MSI2: variants seen among roughly 807,000 people sequenced by gnomAD.
The protein encoded by MSI2 is RNA-binding protein Musashi homolog 2.
Under a neutral mutation model 45.6 loss-of-function variants are expected in MSI2, and 17 were observed. The ratio of observed to expected loss-of-function variants is 0.37; its 90% CI spans 0.26 to 0.56. MSI2 has a LOEUF of 0.56. Among genes scored for constraint, MSI2 ranks in the 20% least tolerant of loss-of-function variants. MSI2 has a pLI of 0.77. For synonymous variants in MSI2, 156 were observed against 158.2 expected (o/e 0.99, Z 0.11); for missense variants, 293 against 444.2 (o/e 0.66, Z 3.06).
At chr17:57,418,518 G>C (rs374427101) in intron 6 of MSI2, among the ~76,000 whole-genome samples, 32 of 152,240 alleles carry the variant, frequency 2.1e-4, no homozygotes, top group African/African-American at 7.5e-4. Context: ...TTGTTATAGT[G>C]AATAGGCAAG....
In MSI2 at chr17:57,369,112, G is replaced by T. The variant is rs556231248; in HGVS notation, c.313-32267G>T. On this transcript the variant is annotated intron_variant, in intron 5 of 13. Coordinates refer to ENST00000284073, the MANE Select transcript of MSI2 (RefSeq NM_138962.4). ...CCCAGGTGTGCTTTGCTCTACTGAT[G>T]GTTGGTAGCATTGTTTACCTCTGGT... 2.1e-4 allele frequency among the ~76,000 whole-genome samples: 32 copies of T among 151,866 alleles called. 1 individual carries two copies. In the South Asian group the frequency reaches 6.4e-3, roughly 30 times the overall value.
chr17:57,390,853 C>T (rs1236331374), intron 5 of MSI2, among the ~76,000 whole-genome samples: 3 of 152,118 alleles, frequency 2.0e-5, no homozygotes, highest in Non-Finnish European at 2.9e-5. Flanking sequence ...GTGGTGTATC[C>T]GAGGGTCTGT....
At chr17:57,521,755 T>TA (rs943065192) in intron 6 of MSI2, among the ~76,000 whole-genome samples, 1 of 152,186 alleles carries the variant, frequency 6.6e-6, no homozygotes, top group African/African-American at 2.4e-5. Flanking sequence ...TGGGGAGCTT[T>TA]AAAAAATCCT....
At chr17:57,504,149 A>G (rs1198852862) in intron 6 of MSI2, among the ~76,000 whole-genome samples, 1 of 152,124 alleles carries the variant, frequency 6.6e-6, no homozygotes, top group African/African-American at 2.4e-5. Flanking sequence ...GATGCTGTGA[A>G]GGTGGCCGAT....
intron 7 of MSI2, among the ~76,000 whole-genome samples, chr17:57,549,277 A>G (rs2087248007): frequency 7.1e-6 from 1 of 140,298 alleles, no homozygotes; most frequent in Non-Finnish European, 1.5e-5. Context: ...GCAGGGGTTT[A>G]TGCTTTGCGA....
Position 57,644,214 on chromosome 17 carries a change from G to GTTT in MSI2, c.728-7868_728-7866dup, listed in dbSNP as rs571385748. 3.1e-4 allele frequency among the ~76,000 whole-genome samples: 27 copies of GTTT among 87,422 alleles called. 1 individual carries two copies. Among genetic ancestry groups the GTTT allele is most frequent in the South Asian group, 1.2e-3 (3 of 2,588 alleles). 57.4% of individuals were successfully genotyped at this position (87,422 alleles called of 152,430 possible). A position where few individuals can be genotyped will look rare whatever the true frequency, so the allele number is the denominator to read the frequency against. On this transcript the variant is annotated intron_variant, in intron 10 of 13. Coordinates refer to ENST00000284073, the MANE Select transcript of MSI2 (RefSeq NM_138962.4). ...AATGCCAAGGACGCCAGGGTAAGTT[G>GTTT]TTTTTTTTTTTTTTTTTTTCAAATG...
In MSI2 at chr17:57,292,126, G is replaced by A. The variant is rs1157707047; in HGVS notation, c.312+29934G>A. Among the ~76,000 whole-genome samples the A allele has an allele frequency of 2.6e-5, 4 of 152,086 alleles. No individual in the cohort carries two copies. The East Asian group carries it at 7.7e-4, about 29-fold the overall frequency. ...ACGCATTCACCGAGAAGGTCCAGTG[G>A]ATTGGGGGCTAGGGAGACCCTCGGA... On this transcript the variant is annotated intron_variant, in intron 5 of 13. Transcript: ENST00000284073.
intron 6 of MSI2, among the ~76,000 whole-genome samples, chr17:57,504,954 A>C (rs1432354011): frequency 6.6e-6 from 1 of 151,440 alleles, no homozygotes; most frequent in Non-Finnish European, 1.5e-5. Context: ...AAGAAGAAAA[A>C]GTAAGGAAAG....
chr17:57,678,085 G>C (rs1913359631), intron 13 of MSI2, among the ~76,000 whole-genome samples: 1 of 152,230 alleles, frequency 6.6e-6, no homozygotes, highest in Non-Finnish European at 1.5e-5. Context: ...AGCAAGGCTG[G>C]AGATGAACTG....
intron 6 of MSI2, among the ~76,000 whole-genome samples, chr17:57,451,574 G>A (rs1181831628): frequency 6.6e-6 from 1 of 152,182 alleles, no homozygotes; most frequent in African/African-American, 2.4e-5. Context: ...CAGAGGCCTC[G>A]TAGCTGTTGC....
chr17:57,409,337 A>G (rs2084144544), intron 6 of MSI2, among the ~76,000 whole-genome samples: 1 of 152,176 alleles, frequency 6.6e-6, no homozygotes, highest in South Asian at 2.1e-4. Flanking sequence ...AAGTCATCCA[A>G]ATGCTGAATT....
intron 5 of MSI2, among the ~76,000 whole-genome samples, chr17:57,350,473 C>A (rs1337605602): frequency 1.3e-5 from 2 of 152,120 alleles, no homozygotes; most frequent in African/African-American, 4.8e-5. Flanking sequence ...TTGGAGACCG[C>A]CCATTGCCTC....
rs959840932 is a variant in MSI2, at chr17:57,529,253, T to C, written c.406-423T>C. Reference sequence around the variant, plus strand: ...GAGTTCAAGACCAGTCTGAGCAACATAGTGGGACCCTGTCTCTAAAAAAAT... The same window carrying C: ...GAGTTCAAGACCAGTCTGAGCAACACAGTGGGACCCTGTCTCTAAAAAAAT... On this transcript the variant is annotated intron_variant, in intron 6 of 13. Coordinates refer to ENST00000284073, the MANE Select transcript of MSI2 (RefSeq NM_138962.4). The surrounding 1 kb of genome is among the most constrained non-coding windows in gnomAD (Gnocchi z 5.3). Among the ~76,000 whole-genome samples the C allele has an allele frequency of 5.9e-5, 9 of 152,136 alleles. No individual in the cohort carries two copies. The highest frequency in any genetic ancestry group is 2.1e-4 in the South Asian group (1 of 4,814).
intron 9 of MSI2, among the ~76,000 whole-genome samples, chr17:57,624,416 G>T (rs988445982): frequency 2.0e-5 from 3 of 152,194 alleles, no homozygotes; most frequent in African/African-American, 7.2e-5. Context: ...GGAGAACTGA[G>T]CTGCCTAGCC....
At chr17:57,477,959 C>A (rs572686554) in intron 6 of MSI2, among the ~76,000 whole-genome samples, 1 of 152,218 alleles carries the variant, frequency 6.6e-6, no homozygotes, top group South Asian at 2.1e-4. Context: ...GAGAGAGCCA[C>A]AGCTATTCTC....
rs1441803501 is a variant in MSI2, at chr17:57,683,992, A to G, written c.*4475A>G. The stretch of plus-strand genomic sequence containing the variant: ...ACACAAAAACATATAAATAAAATCC[A>G]TCCCTCTTGTCGGGGACCTGCAGGG... On this transcript the variant is annotated 3_prime_UTR_variant, in exon 14 of 14. Transcript: ENST00000284073. This position sits in a 1 kb window ranked among gnomAD's most constrained non-coding sequence, Gnocchi z 5.2. 4.4e-6 allele frequency: 1 copy of G among 227,802 alleles called. No homozygotes were observed. Among genetic ancestry groups the G allele is most frequent in the Non-Finnish European group, 8.7e-6 (1 of 114,710 alleles). 14.1% of individuals were successfully genotyped at this position (227,802 alleles called of 1,614,324 possible).
In MSI2 at chr17:57,463,520, C is replaced by T. The variant is rs187867897; in HGVS notation, c.405+62049C>T. Among the ~76,000 whole-genome samples, 426 of 152,232 alleles carry T rather than the reference C, an allele frequency of 2.8e-3. 4 individuals are homozygous for T. The highest frequency in any genetic ancestry group is 1.6e-3 in the Admixed American group (25 of 15,306). On this transcript the variant is annotated intron_variant, in intron 6 of 13. Coordinates refer to ENST00000284073, the MANE Select transcript of MSI2 (RefSeq NM_138962.4). ...ACCCACTAAGGCTTTGCCCCGCCCTCCCAGCTGGCTGGGTCTCCTCCCCAA... is the reference window on the plus strand; with the variant it reads ...ACCCACTAAGGCTTTGCCCCGCCCTTCCAGCTGGCTGGGTCTCCTCCCCAA...
At chr17:57,473,396 A>C (rs2085477402) in intron 6 of MSI2, among the ~76,000 whole-genome samples, 1 of 152,216 alleles carries the variant, frequency 6.6e-6, no homozygotes, top group African/African-American at 2.4e-5. Context: ...CAAGGCACAA[A>C]TGCTTCTAGT....
intron 6 of MSI2, among the ~76,000 whole-genome samples, chr17:57,528,180 A>G (rs1222627355): frequency 3.3e-5 from 5 of 151,908 alleles, no homozygotes; most frequent in Non-Finnish European, 1.5e-5. Flanking sequence ...TAGGCTGCAC[A>G]CTGGTCAGAC....
Sources: allele counts gnomAD v4.1 joint callset (sites outside exome capture counted in the v4.1 genomes callset), GRCh38; gene constraint gnomAD v4.1.1; non-coding constraint Gnocchi (gnomAD v3.1); transcripts MANE v1.5; gene names NCBI Gene and HGNC (gene_info 2026-07-23, HGNC 2026-07-21).